Variants in SLMAP observed in about 807,000 individuals in gnomAD.
SLMAP encodes sarcolemmal membrane-associated protein.
In SLMAP, 44 loss-of-function variants were observed where a neutral mutation model predicts 128.8. The ratio of observed to expected loss-of-function variants is 0.34; its 90% CI spans 0.27 to 0.44. SLMAP has a LOEUF of 0.44. Ranked by LOEUF, SLMAP falls within the 20% of genes least tolerant of loss-of-function variation. The pLI, the probability that SLMAP is intolerant of heterozygous loss-of-function variation, is 1.00. For synonymous variants in SLMAP, 327 were observed against 348.8 expected (o/e 0.94, Z 0.70); for missense variants, 787 against 985.3 (o/e 0.80, Z 2.69).
At chr3:57,852,220 C>G (rs1337769245) in intron 6 of SLMAP, among the ~76,000 whole-genome samples, 3 of 152,056 alleles carry the variant, frequency 2.0e-5, no homozygotes, top group African/African-American at 4.8e-5. Flanking sequence ...CCCCTACATT[C>G]TTTTATAGGA....
At chr3:57,919,624 G>A (rs1158384698) in intron 22 of SLMAP, among the ~76,000 whole-genome samples, 13 of 151,320 alleles carry the variant, frequency 8.6e-5, no homozygotes, top group Admixed American at 5.3e-4. Context: ...GAGAAACCCC[G>A]TCTCTAATAA....
intron 2 of SLMAP, among the ~76,000 whole-genome samples, chr3:57,774,509 A>AATT (rs66990452): frequency 0.024 from 3,498 of 147,380 alleles, 145 homozygotes; most frequent in African/African-American, 0.078. Context: ...TTTAATAGAC[A>AATT]ATTATTATTA....
At chr3:57,916,143 C>T (rs1022783885) in intron 21 of SLMAP, among the ~76,000 whole-genome samples, 1 of 149,564 alleles carries the variant, frequency 6.7e-6, no homozygotes, top group African/African-American at 2.5e-5. Flanking sequence ...GCAACAAGAG[C>T]GAAACTCTGT....
intron 4 of SLMAP, among the ~76,000 whole-genome samples, chr3:57,842,604 C>CAGTT (rs2093991014): frequency 6.6e-6 from 1 of 152,018 alleles, no homozygotes; most frequent in Non-Finnish European, 1.5e-5. Flanking sequence ...AAACTTTGAA[C>CAGTT]AGTTACGTAA....
chr3:57,825,507 T>C (rs1387486659), intron 2 of SLMAP, among the ~76,000 whole-genome samples: 2 of 151,744 alleles, frequency 1.3e-5, no homozygotes. Flanking sequence ...TTTCTTTTTT[T>C]TTTTTTTTTC....
intron 2 of SLMAP, among the ~76,000 whole-genome samples, chr3:57,819,510 C>T (rs1165835492): frequency 2.6e-5 from 4 of 152,004 alleles, no homozygotes; most frequent in Non-Finnish European, 4.4e-5. Flanking sequence ...ATGCATAGTC[C>T]TATGATTTTC....
rs2096832898 is a variant in SLMAP at position 57,917,306 on chromosome 3, T to A, written c.2310+229T>A. 5 of 1,113,044 alleles carry A rather than the reference T, an allele frequency of 4.5e-6. No individual in the cohort carries two copies. In the South Asian group the frequency reaches 6.8e-5, roughly 15 times the overall value. The allele number at this position is 1,113,044 out of a possible 1,614,324, so 68.9% of individuals were successfully genotyped here. A position where few individuals can be genotyped will look rare whatever the true frequency, so the allele number is the denominator to read the frequency against. On this transcript the variant is annotated intron_variant, in intron 22 of 24. Coordinates refer to ENST00000671191, the MANE Select transcript of SLMAP (RefSeq NM_001377540.1). ...AAAATATAATATACAAAACTACATTTTAATTTTTCTCTACCAGTTACTTAT... is the reference window on the plus strand; with the variant it reads ...AAAATATAATATACAAAACTACATTATAATTTTTCTCTACCAGTTACTTAT...
chr3:57,775,507 TACA>T (rs1450157604), intron 2 of SLMAP, among the ~76,000 whole-genome samples: 15 of 27,328 alleles, frequency 5.5e-4, no homozygotes, highest in African/African-American at 1.3e-3. Flanking sequence ...ACCCTGTTGG[TACA>T]AAAAAAAAAA....
chr3:57,822,085 G>T (rs1467423652), intron 2 of SLMAP, among the ~76,000 whole-genome samples: 1 of 152,016 alleles, frequency 6.6e-6, no homozygotes, highest in Non-Finnish European at 1.5e-5. Context: ...TCAGTTTAGG[G>T]TTGCTCTCCA....
At chr3:57,913,533 CA>C (rs2096743482) in intron 21 of SLMAP, among the ~76,000 whole-genome samples, 2 of 152,052 alleles carry the variant, frequency 1.3e-5, no homozygotes, top group African/African-American at 2.4e-5. Flanking sequence ...AAACCCTGAA[CA>C]AACAACAAAA....
chr3:57,761,083 G>A (rs2078540200), intron 2 of SLMAP, among the ~76,000 whole-genome samples: 3 of 149,620 alleles, frequency 2.0e-5, no homozygotes, highest in African/African-American at 2.5e-5. Flanking sequence ...TTATTGTTTT[G>A]AGAATTGAGG....
intron 17 of SLMAP, among the ~76,000 whole-genome samples, chr3:57,902,617 C>G (rs1039954742): frequency 6.6e-6 from 1 of 152,128 alleles, no homozygotes; most frequent in Non-Finnish European, 1.5e-5. Context: ...ATAGCAAAAA[C>G]CACTTGGGGC....
chr3:57,857,745 C>G lies in SLMAP; in HGVS notation c.532C>G (p.Arg178Gly), dbSNP rs766644866. The change falls in exon 7 of 25, where the codon CGG becomes GGG. Residue 178 changes from arginine to glycine, a missense_variant. Arg to Gly is a moderately radical substitution (Grantham distance 125). Around this residue, in one of 2 missense-constraint regions of SLMAP, gnomAD observed 715 missense variants for 843.6 expected, o/e 0.85. Coordinates refer to ENST00000671191, the MANE Select transcript of SLMAP (RefSeq NM_001377540.1). ...LSQYLQEALH[R>G]EQMLEQKLAT... ...TTTGTAATACTAGGAGGCCTTACAT[C>G]GGGAACAAATGTTGGAACAGAAGTT... The G allele has an allele frequency of 1.2e-6, 2 of 1,612,516 alleles. No homozygotes were observed. Among genetic ancestry groups the G allele is most frequent in the East Asian group, 2.2e-5 (1 of 44,846 alleles).
intron 4 of SLMAP, among the ~76,000 whole-genome samples, chr3:57,843,775 C>CTTTTTTTTTTTTTTTTTTTT (rs775541858): frequency 5.1e-4 from 39 of 77,126 alleles, no homozygotes; most frequent in African/African-American, 6.7e-4. Flanking sequence ...TCTTTTCTTT[C>CTTTTTTTTTTTTTTTTTTTT]TTTTTTTTTT....
chr3:57,795,120 T>C (rs909918980), intron 2 of SLMAP, among the ~76,000 whole-genome samples: 1 of 152,234 alleles, frequency 6.6e-6, no homozygotes, highest in Non-Finnish European at 1.5e-5. Context: ...TATCTAATGA[T>C]TTTGATTTGT....
At chr3:57,762,023 C>T (rs561590094) in intron 2 of SLMAP, among the ~76,000 whole-genome samples, 35 of 135,590 alleles carry the variant, frequency 2.6e-4, no homozygotes, top group Non-Finnish European at 3.4e-4. Flanking sequence ...GTCCGCAGTC[C>T]GGCCTGGGCG....
At chr3:57,914,683 A>G (rs575848006) in intron 21 of SLMAP, among the ~76,000 whole-genome samples, 23 of 151,968 alleles carry the variant, frequency 1.5e-4, no homozygotes, top group African/African-American at 4.6e-4. Context: ...CCTGGGGTCA[A>G]TCGATTCTCC....
At chr3:57,920,494 A>G (rs1351095708) in intron 22 of SLMAP, among the ~76,000 whole-genome samples, 1 of 152,138 alleles carries the variant, frequency 6.6e-6, no homozygotes, top group Admixed American at 6.6e-5. Flanking sequence ...GAGCATGATG[A>G]TGGGCTCCTG....
At position 57,899,060 on chromosome 3, in the gene SLMAP, C is replaced by G. The variant is rs531790805; in HGVS notation, c.1501+2128C>G. ...ATCTGTTGAAGGACTCTGAGTAACT[C>G]CATATTAATTGAATAAGATTGTGGA... On this transcript the variant is annotated intron_variant, in intron 17 of 24. Coordinates refer to ENST00000671191, the MANE Select transcript of SLMAP (RefSeq NM_001377540.1). The G allele has an allele frequency of 2.6e-5, 4 of 152,250 alleles. No individual in the cohort carries two copies. The East Asian group carries it at 5.8e-4, about 22-fold the overall frequency. 9.4% of individuals were successfully genotyped at this position (152,250 alleles called of 1,614,324 possible).
Sources: gnomAD v4.1 joint callset for allele counts (sites outside exome capture counted in the v4.1 genomes callset) on GRCh38, gnomAD v4.1.1 for gene constraint, gnomAD v4.1.1 regional missense constraint, MANE v1.5 for transcripts, NCBI Gene and HGNC (gene_info 2026-07-23, HGNC 2026-07-21) for gene names.